ATG10: variants seen among roughly 807,000 people sequenced by gnomAD.
ATG10 encodes ubiquitin-like-conjugating enzyme ATG10.
In ATG10, 30 loss-of-function variants were observed where a neutral mutation model predicts 32.1. The ratio of observed to expected loss-of-function variants is 0.94; its 90% CI spans 0.70 to 1.27. The LOEUF is 1.27. ATG10 is among the 50% of genes most tolerant of loss of function. The probability of loss-of-function intolerance (pLI) is 0.00; values close to 1 mark genes in which losing one functional copy is unlikely to be tolerated. For synonymous variants in ATG10, 87 were observed against 91.5 expected, an observed-to-expected ratio of 0.95 and a Z score of 0.28; for missense variants, 233 against 262.3, an observed-to-expected ratio of 0.89 and a Z score of 0.77.
intron 5 of ATG10, among the ~76,000 whole-genome samples, chr5:82,216,806 C>G (rs1449113165): frequency 6.6e-6 from 1 of 152,108 alleles, no homozygotes; most frequent in African/African-American, 2.4e-5. Flanking sequence ...CCTGTAATCC[C>G]AGCACTTTGG....
chr5:82,171,577 G>C (rs1426458713), intron 4 of ATG10, among the ~76,000 whole-genome samples: 3 of 152,164 alleles, frequency 2.0e-5, no homozygotes, highest in African/African-American at 7.2e-5. Context: ...TAGCTTTGGT[G>C]GTAGAAATGG....
intron 3 of ATG10, among the ~76,000 whole-genome samples, chr5:82,129,867 G>A (rs1766447998): frequency 6.6e-6 from 1 of 152,138 alleles, no homozygotes; most frequent in African/African-American, 2.4e-5. Context: ...CAGAGCTCAA[G>A]GGCTGCTGCA....
intron 2 of ATG10, among the ~76,000 whole-genome samples, chr5:82,008,966 C>T (rs532905315): frequency 2.6e-5 from 4 of 152,290 alleles, no homozygotes; most frequent in African/African-American, 9.6e-5. Context: ...CATGATAGCT[C>T]ATTTTTGTTT....
chr5:82,229,645 T>G (rs541540410), intron 5 of ATG10, among the ~76,000 whole-genome samples: 1 of 152,336 alleles, frequency 6.6e-6, no homozygotes, highest in South Asian at 2.1e-4. Flanking sequence ...TTATACAAAC[T>G]GGCACAGAAT....
intron 2 of ATG10, among the ~76,000 whole-genome samples, chr5:81,993,904 C>A (rs1761581809): frequency 6.6e-6 from 1 of 152,176 alleles, no homozygotes; most frequent in African/African-American, 2.4e-5. Flanking sequence ...AGTATATTGT[C>A]TGAGTTTCTC....
chr5:82,152,260 G>C (rs1767633212), intron 3 of ATG10, among the ~76,000 whole-genome samples: 1 of 152,218 alleles, frequency 6.6e-6, no homozygotes, highest in South Asian at 2.1e-4. Flanking sequence ...TGGCTCTTTA[G>C]AGTCTACTTT....
rs866228047 is a variant in ATG10 at position 82,133,971 on chromosome 5, T to C, written c.217-30428T>C. On this transcript the variant is annotated intron_variant, in intron 3 of 7. Coordinates refer to ENST00000282185, the MANE Select transcript of ATG10 (RefSeq NM_031482.5). ...AGTTGTATTCCTAGGTATTTAATAC[T>C]CTTTGTAGCAATTGTGAATGTGAGT... is the stretch of plus-strand genomic sequence containing the variant. 4.7e-3 allele frequency among the ~76,000 whole-genome samples: 698 copies of C among 147,056 alleles called. 4 individuals carry two copies. Among genetic ancestry groups the C allele is most frequent in the African/African-American group, 0.016 (641 of 39,440 alleles).
chr5:82,053,313 G>A (rs556000286), intron 2 of ATG10, among the ~76,000 whole-genome samples: 1 of 151,970 alleles, frequency 6.6e-6, no homozygotes, highest in East Asian at 1.9e-4. Flanking sequence ...TTCTTATTGG[G>A]CTATTGGACC....
rs113230988 is a variant in ATG10, at chr5:82,068,347, A to G, written c.216+9745A>G. Among the ~76,000 whole-genome samples, 4 of 152,264 alleles carry G rather than the reference A, an allele frequency of 2.6e-5. No homozygotes were observed. In the East Asian group the frequency reaches 7.7e-4, roughly 29 times the overall value. On this transcript the variant is annotated intron_variant, in intron 3 of 7. Transcript: ENST00000282185. Reference sequence around the variant, plus strand: ...CTCACTCATAAATGGGAGTTGAACAATGAGAATACATGGACACAGGGAGGG... The same window carrying G: ...CTCACTCATAAATGGGAGTTGAACAGTGAGAATACATGGACACAGGGAGGG...
chr5:82,113,929 T>G (rs1447449976), intron 3 of ATG10, among the ~76,000 whole-genome samples: 4 of 152,044 alleles, frequency 2.6e-5, no homozygotes, highest in African/African-American at 9.7e-5. Context: ...TTGCCTAGTT[T>G]TTGTACTTTG....
At chr5:82,226,036 T>C (rs1196473116) in intron 5 of ATG10, among the ~76,000 whole-genome samples, 1 of 152,216 alleles carries the variant, frequency 6.6e-6, no homozygotes, top group East Asian at 1.9e-4. Flanking sequence ...ATATTTATTC[T>C]TACTTTCTCT....
intron 2 of ATG10, among the ~76,000 whole-genome samples, chr5:82,038,581 T>A (rs1411781156): frequency 6.6e-6 from 1 of 152,180 alleles, no homozygotes; most frequent in East Asian, 1.9e-4. Flanking sequence ...AGGTGTCCAA[T>A]ACACTGGGAT....
intron 1 of ATG10, among the ~76,000 whole-genome samples, chr5:81,985,196 G>A (rs1451294587): frequency 1.3e-5 from 2 of 152,098 alleles, no homozygotes; most frequent in African/African-American, 4.8e-5. Context: ...AGAGTTTGTT[G>A]GAGTTTTAAA....
intron 5 of ATG10, among the ~76,000 whole-genome samples, chr5:82,195,799 G>C (rs1744830984): frequency 6.6e-6 from 1 of 152,016 alleles, no homozygotes; most frequent in South Asian, 2.1e-4. Flanking sequence ...GAACATTTTG[G>C]TTGTTTCTAC....
chr5:82,213,557 A>G (rs1165892253), intron 5 of ATG10, among the ~76,000 whole-genome samples: 2 of 152,222 alleles, frequency 1.3e-5, no homozygotes, highest in Non-Finnish European at 2.9e-5. Flanking sequence ...ATTCAGGAAG[A>G]TTACTGGAAA....
chr5:82,051,365 A>G (rs944235403), intron 2 of ATG10, among the ~76,000 whole-genome samples: 1 of 152,196 alleles, frequency 6.6e-6, no homozygotes, highest in African/African-American at 2.4e-5. Flanking sequence ...CTTTCCCCCA[A>G]GAAGTTCTGA....
At chr5:82,207,731 A>C (rs988584242) in intron 5 of ATG10, among the ~76,000 whole-genome samples, 1 of 152,216 alleles carries the variant, frequency 6.6e-6, no homozygotes, top group African/African-American at 2.4e-5. Flanking sequence ...GTTCATGTCC[A>C]ATGCTGTCCA....
intron 5 of ATG10, among the ~76,000 whole-genome samples, chr5:82,181,375 T>A (rs920892102): frequency 4.6e-5 from 7 of 152,134 alleles, no homozygotes; most frequent in African/African-American, 1.7e-4. Flanking sequence ...TTGCACTACT[T>A]GGCATTTGAA....
intron 3 of ATG10, among the ~76,000 whole-genome samples, chr5:82,133,460 C>T (rs1215430012): frequency 6.6e-6 from 1 of 152,108 alleles, no homozygotes; most frequent in Non-Finnish European, 1.5e-5. Context: ...AGTTTCCCAA[C>T]ACCATTTATG....
Sources: allele counts gnomAD v4.1 joint callset (sites outside exome capture counted in the v4.1 genomes callset), GRCh38; gene constraint gnomAD v4.1.1; transcripts MANE v1.5; gene names NCBI Gene and HGNC (gene_info 2026-07-23, HGNC 2026-07-21).